IKZF5: variants seen among roughly 807,000 people sequenced by gnomAD.
IKZF5 encodes the protein IKAROS family zinc finger 5.
In IKZF5, 4 loss-of-function variants were observed where a neutral mutation model predicts 30.7. That is an observed-to-expected ratio of 0.13 (90% CI 0.06 to 0.30). IKZF5 has a LOEUF of 0.30. IKZF5 is among the 10% of genes least tolerant of loss of function. The pLI is 1.00. For synonymous variants in IKZF5, 148 were observed against 179.6 expected, an observed-to-expected ratio of 0.82 and a Z score of 1.41; for missense variants, 348 against 525.5, an observed-to-expected ratio of 0.66 and a Z score of 3.30.
At chr10:123,007,789 A>C (rs1423660473) in intron 1 of IKZF5, among the ~76,000 whole-genome samples, 1 of 152,246 alleles carries the variant, frequency 6.6e-6, no homozygotes, top group Admixed American at 6.5e-5. Flanking sequence ...ACAACACGAC[A>C]TAAATCAAAA....
At chr10:122,996,299 AT>A in intron 3 of IKZF5, 123 bp from the exon 4 acceptor site, 1 of 757,330 alleles carries the variant, frequency 1.3e-6, no homozygotes, top group Non-Finnish European at 2.1e-6. Context: ...AGTTAAGTCC[AT>A]TTTATAACAG....
chr10:123,003,200 T>C (rs1849656878), intron 2 of IKZF5, among the ~76,000 whole-genome samples: 1 of 139,446 alleles, frequency 7.2e-6, no homozygotes, highest in Non-Finnish European at 1.6e-5. Context: ...CCGGCTGATA[T>C]TTTTTGTATT....
rs1345900616 is a variant in IKZF5 at position 122,992,300 on chromosome 10, A to G, written c.*1480T>C. 1 of 152,236 alleles carries G rather than the reference A, an allele frequency of 6.6e-6. No homozygotes were observed. Among genetic ancestry groups the G allele is most frequent in the Non-Finnish European group, 1.5e-5 (1 of 68,032 alleles). 9.4% of individuals were successfully genotyped at this position (152,236 alleles called of 1,614,324 possible). On this transcript the variant is annotated 3_prime_UTR_variant, in exon 5 of 5. Transcript: ENST00000368886. ...GGGGGTTTTGTGGGTACATACCACC[A>G]ATATTTCCCTTTCCTTTACTATTAG...
chr10:123,008,610 C>T, intron 1 of IKZF5, 84 bp downstream of exon 1: 1 of 301,926 alleles, frequency 3.3e-6, no homozygotes, highest in South Asian at 3.0e-5. Context: ...CCGCCACGAA[C>T]CCAGCTCCAG....
intron 2 of IKZF5, among the ~76,000 whole-genome samples, chr10:122,999,162 C>A (rs1398156221): frequency 6.6e-6 from 1 of 152,160 alleles, no homozygotes; most frequent in Admixed American, 6.5e-5. Context: ...CCACTGGACT[C>A]CAACCTGGTT....
rs1849818283 is a variant in IKZF5 at position 123,007,081 on chromosome 10, G to A, written c.-102C>T. 1 of 152,180 alleles carries A rather than the reference G, an allele frequency of 6.6e-6. No homozygotes were observed. The highest frequency in any genetic ancestry group is 1.5e-5 in the Non-Finnish European group (1 of 68,030). The allele number at this position is 152,180 out of a possible 1,614,324, so 9.4% of individuals were successfully genotyped here. A position where few individuals can be genotyped will look rare whatever the true frequency, so the allele number is the denominator to read the frequency against. The stretch of plus-strand genomic sequence containing the variant: ...CTTGCCACTCCAACATTGATGAAAT[G>A]TAGAGTAATTGAAATTTACTTCGGA... On this transcript the variant is annotated 5_prime_UTR_variant, in exon 2 of 5. Transcript: ENST00000368886.
chr10:122,998,240 A>G (rs964765368), intron 3 of IKZF5: 9 of 319,254 alleles, frequency 2.8e-5, no homozygotes, highest in East Asian at 5.2e-5. Context: ...GTAGCTCATA[A>G]AAACTGGAGG....
chr10:123,002,256 C>T (rs111876746), intron 2 of IKZF5, among the ~76,000 whole-genome samples: 2,140 of 151,932 alleles, frequency 0.014, 55 homozygotes, highest in African/African-American at 0.049. Context: ...CAGTGGCTCA[C>T]GCTTGTAATC....
chr10:122,995,822 G>C (rs75871484), intron 4 of IKZF5, among the ~76,000 whole-genome samples, 172 bp downstream of exon 4: 1 of 152,184 alleles, frequency 6.6e-6, no homozygotes, highest in East Asian at 1.9e-4. Context: ...TGACCTGTTT[G>C]TATGTTGTTA....
chr10:122,995,516 G>A (rs1256626619), intron 4 of IKZF5, among the ~76,000 whole-genome samples: 1 of 152,178 alleles, frequency 6.6e-6, no homozygotes, highest in East Asian at 1.9e-4. Flanking sequence ...CACACAGGAA[G>A]GACGTCTGAC....
chr10:122,997,538 G>A (rs928565677), intron 3 of IKZF5: 6 of 152,250 alleles, frequency 3.9e-5, no homozygotes, highest in African/African-American at 1.4e-4. Context: ...GGTGTCTGGT[G>A]TTTTGTATTT....
chr10:123,004,355 T>C (rs1021952324), intron 2 of IKZF5, among the ~76,000 whole-genome samples: 2 of 152,070 alleles, frequency 1.3e-5, no homozygotes, highest in East Asian at 3.9e-4. Context: ...GGAAGCAAGA[T>C]AATCCTTACC....
In IKZF5 at chr10:122,992,520, T is replaced by C. The variant is rs543233599; in HGVS notation, c.*1260A>G. ...GAGTTATTACACAATATAAAAACAA[T>C]AGCCTCCTATTCAAAATGAATTACT... On this transcript the variant is annotated 3_prime_UTR_variant, in exon 5 of 5. Transcript: ENST00000368886. 17 of 152,350 alleles carry C rather than the reference T, an allele frequency of 1.1e-4. No homozygotes were observed. Among genetic ancestry groups the C allele is most frequent in the Admixed American group, 1.1e-3 (17 of 15,310 alleles). The allele number at this position is 152,350 out of a possible 1,614,324, so 9.4% of individuals were successfully genotyped here.
At chr10:123,005,803 A>T (rs978873637) in intron 2 of IKZF5, among the ~76,000 whole-genome samples, 3 of 152,210 alleles carry the variant, frequency 2.0e-5, no homozygotes, top group Non-Finnish European at 4.4e-5. Flanking sequence ...ATCTGCTGGC[A>T]CCTTCATATT....
chr10:123,003,279 G>GT (rs1442184114), intron 2 of IKZF5, among the ~76,000 whole-genome samples: 2 of 151,196 alleles, frequency 1.3e-5, no homozygotes, highest in Non-Finnish European at 2.9e-5. Context: ...ACAATACAGT[G>GT]TAACTATTTA....
At chr10:122,995,376 C>G (rs1463188935) in intron 4 of IKZF5, among the ~76,000 whole-genome samples, 1 of 152,152 alleles carries the variant, frequency 6.6e-6, no homozygotes. Context: ...TAGAGTCATT[C>G]ATCTAGTAAG....
At position 122,998,662 on chromosome 10, in the gene IKZF5, G is replaced by C; in HGVS notation, c.-37C>G. ...TAACATTTACAGTTTGTTAGACCTA[G>C]AAAACAAAACTGAAACAATTTTACA... On this transcript the variant is annotated 5_prime_UTR_variant, in exon 3 of 5. Transcript: ENST00000368886. 3 of 1,594,500 alleles carry C rather than the reference G, an allele frequency of 1.9e-6. No homozygotes were observed. Among genetic ancestry groups the C allele is most frequent in the Non-Finnish European group, 2.6e-6 (3 of 1,168,012 alleles).
chr10:123,002,519 C>CA (rs764081145), intron 2 of IKZF5, among the ~76,000 whole-genome samples: 1,383 of 96,776 alleles, frequency 0.014, 15 homozygotes, highest in African/African-American at 0.039. Flanking sequence ...ATTCTGTCTC[C>CA]AAAAAAAAAA....
intron 3 of IKZF5, among the ~76,000 whole-genome samples, chr10:122,997,976 G>T (rs933559592): frequency 1.3e-5 from 2 of 152,160 alleles, no homozygotes; most frequent in Admixed American, 6.6e-5. Flanking sequence ...GCTAGGTTAG[G>T]AATAAATTCC....
Sources: gnomAD v4.1 joint callset for allele counts (sites outside exome capture counted in the v4.1 genomes callset) on GRCh38, gnomAD v4.1.1 for gene constraint, MANE v1.5 for transcripts, NCBI Gene and HGNC (gene_info 2026-07-23, HGNC 2026-07-21) for gene names.